PALLD: variants seen among roughly 807,000 people sequenced by gnomAD.
The protein encoded by PALLD is palladin, cytoskeletal associated protein.
In PALLD, 61 loss-of-function variants were observed where a neutral mutation model predicts 123.5. The ratio of observed to expected loss-of-function variants is 0.49; its 90% CI spans 0.40 to 0.61. The LOEUF is 0.61. Among genes scored for constraint, PALLD ranks in the 20% least tolerant of loss-of-function variants. The pLI, the probability that PALLD is intolerant of heterozygous loss-of-function variation, is 0.00. For missense variants in PALLD, 1,273 were observed against 1,377.0 expected, an observed-to-expected ratio of 0.92 and a Z score of 1.20; for synonymous variants, 465 against 496.4, an observed-to-expected ratio of 0.94 and a Z score of 0.84.
intron 2 of PALLD, among the ~76,000 whole-genome samples, chr4:168,589,234 A>G (rs1027060466): frequency 1.3e-5 from 2 of 152,194 alleles, no homozygotes; most frequent in African/African-American, 4.8e-5. Flanking sequence ...GTCTGATCTA[A>G]TGAGAACAGC....
chr4:168,864,458 C>CAG (rs1212313372), intron 10 of PALLD: 3 of 152,198 alleles, frequency 2.0e-5, no homozygotes, highest in African/African-American at 7.2e-5. Context: ...TGGCACTGCA[C>CAG]CAAACGTACT....
In PALLD at chr4:168,685,476, C is replaced by G; in HGVS notation, c.1261-9C>G. On this transcript the variant is annotated splice_polypyrimidine_tract_variant and intron_variant, in intron 5 of 21. Coordinates refer to ENST00000505667, the MANE Select transcript of PALLD (RefSeq NM_001166108.2). ...TTAGAATTTGATCCATATGTCTCTG[C>G]TTTTGCAGGTTCACAGTCCAACTTC... 6.3e-7 allele frequency: 1 copy of G among 1,588,976 alleles called. No individual in the cohort carries two copies. Among genetic ancestry groups the G allele is most frequent in the South Asian group, 1.1e-5 (1 of 90,546 alleles).
chr4:168,752,017 C>T (rs1272431616), intron 10 of PALLD, among the ~76,000 whole-genome samples: 1 of 152,190 alleles, frequency 6.6e-6, no homozygotes. Flanking sequence ...CAGATCCGGG[C>T]TCTGTCGAAC....
intron 2 of PALLD, among the ~76,000 whole-genome samples, chr4:168,547,544 A>C (rs1766257585): frequency 6.9e-6 from 1 of 145,138 alleles, no homozygotes; most frequent in South Asian, 2.3e-4. Context: ...CAACCTGGTG[A>C]AACATTATCT....
rs201626019 is a variant in PALLD, at chr4:168,771,068, AAAAAAAAC to A, written c.1964+59153_1964+59160del. ...ACAGAGCAAGACTCCATCTCAAAAA[AAAAAAAAC>A]AAAAAAAAAACCTTAGTTTCTGAAA... On this transcript the variant is annotated intron_variant, in intron 10 of 21. Transcript: ENST00000505667. Among the ~76,000 whole-genome samples the A allele has an allele frequency of 1.2e-3, 80 of 66,500 alleles. 2 individuals are homozygous for A. Among genetic ancestry groups the A allele is most frequent in the Middle Eastern group, 7.6e-3 (1 of 132 alleles). The allele number at this position is 66,500 out of a possible 152,430, so 43.6% of individuals were successfully genotyped here.
chr4:168,504,920 T>C (rs1031015423), intron 1 of PALLD: 3 of 152,254 alleles, frequency 2.0e-5, no homozygotes, highest in Non-Finnish European at 2.9e-5. Flanking sequence ...TTTTAGTCTA[T>C]TTCATCTTCT....
rs188921921 is a variant in PALLD at position 168,709,072 on chromosome 4, G to A, written c.1546G>A (p.Ala516Thr). The A allele has an allele frequency of 2.5e-6, 4 of 1,610,290 alleles. No individual in the cohort carries two copies. Among genetic ancestry groups the A allele is most frequent in the Non-Finnish European group, 3.4e-6 (4 of 1,176,506 alleles). ...LVIAETFPED[A>T]GIFTCSARND... is the part of the protein sequence containing the mutation. ...TATCGCTGAGACTTTCCCTGAAGAT[G>A]CAGGGATCTTTACATGTTCAGCAAG... The change falls in exon 9 of 22, where the codon GCA becomes ACA. Residue 516 changes from alanine to threonine, a missense_variant. Around this residue, in one of 2 missense-constraint regions of PALLD, gnomAD observed 944 missense variants for 954.5 expected, o/e 0.99. Coordinates refer to ENST00000505667, the MANE Select transcript of PALLD (RefSeq NM_001166108.2).
intron 2 of PALLD, among the ~76,000 whole-genome samples, chr4:168,627,754 G>A (rs189491115): frequency 2.7e-4 from 41 of 152,264 alleles, no homozygotes; most frequent in Middle Eastern, 6.8e-3. Context: ...CTTAACATAC[G>A]TGGAGTTTCA....
intron 10 of PALLD, among the ~76,000 whole-genome samples, chr4:168,724,970 G>T (rs1483138204): frequency 2.0e-5 from 3 of 152,172 alleles, no homozygotes; most frequent in Admixed American, 2.0e-4. Context: ...ACACCATCTC[G>T]ACTCTGAAGC....
intron 10 of PALLD, among the ~76,000 whole-genome samples, chr4:168,752,285 G>C (rs1731163865): frequency 1.3e-5 from 2 of 152,168 alleles, no homozygotes; most frequent in Admixed American, 6.5e-5. Context: ...GAGGTGGGAG[G>C]ATCACTTGAG....
chr4:168,877,106 T>C (rs2151109619), intron 10 of PALLD, among the ~76,000 whole-genome samples: 1 of 152,352 alleles, frequency 6.6e-6, no homozygotes, highest in South Asian at 2.1e-4. Flanking sequence ...TCAATGTGTA[T>C]TAAGGTTTGT....
At chr4:168,498,235 T>C (rs183909325) in intron 1 of PALLD, among the ~76,000 whole-genome samples, 1 of 152,358 alleles carries the variant, frequency 6.6e-6, no homozygotes, top group East Asian at 1.9e-4. Context: ...AATACATGAT[T>C]ACACATTCCT....
chr4:168,745,490 T>C (rs1317804941), intron 10 of PALLD, among the ~76,000 whole-genome samples: 1 of 152,084 alleles, frequency 6.6e-6, no homozygotes, highest in African/African-American at 2.4e-5. Context: ...TTTTTCCTTC[T>C]TCAACTGGAA....
chr4:168,924,290 A>G lies in PALLD; in HGVS notation c.3094A>G (p.Lys1032Glu). 6.2e-7 allele frequency: 1 copy of G among 1,613,940 alleles called. No homozygotes were observed. Among genetic ancestry groups the G allele is most frequent in the Non-Finnish European group, 8.5e-7 (1 of 1,179,864 alleles). ...EAHKPPVFIEKLQNTGVADGY... is the reference protein window; with the variant it reads ...EAHKPPVFIEELQNTGVADGY... Reference sequence around the variant, plus strand: ...ACACAAACCCCCTGTGTTTATTGAGAAGCTCCAAAACACAGGAGTTGCTGA... The same window carrying G: ...ACACAAACCCCCTGTGTTTATTGAGGAGCTCCAAAACACAGGAGTTGCTGA... The change falls in exon 19 of 22, where the codon AAG becomes GAG. Residue 1032 changes from lysine to glutamate, a missense_variant. Transcript: ENST00000505667.
At chr4:168,784,810 C>T (rs1467549345) in intron 10 of PALLD, among the ~76,000 whole-genome samples, 1 of 151,992 alleles carries the variant, frequency 6.6e-6, no homozygotes, top group African/African-American at 2.4e-5. Context: ...GCACAGTAGT[C>T]CATGAGAACA....
At chr4:168,647,637 T>C (rs552779896) in intron 2 of PALLD, among the ~76,000 whole-genome samples, 1 of 151,808 alleles carries the variant, frequency 6.6e-6, no homozygotes, top group Non-Finnish European at 1.5e-5. Context: ...AAAAATTAGC[T>C]GGGCATGGTA....
intron 2 of PALLD, among the ~76,000 whole-genome samples, chr4:168,619,997 A>G (rs1774599275): frequency 6.6e-6 from 1 of 151,664 alleles, no homozygotes; most frequent in East Asian, 1.9e-4. Context: ...CTGACTCACA[A>G]TGTAAATGTT....
intron 2 of PALLD, among the ~76,000 whole-genome samples, chr4:168,574,851 G>C (rs973175773): frequency 1.1e-4 from 16 of 152,150 alleles, no homozygotes; most frequent in African/African-American, 3.9e-4. Flanking sequence ...CAAAACAAAA[G>C]CTAGAGTAAG....
At chr4:168,563,630 T>C (rs904600065) in intron 2 of PALLD, among the ~76,000 whole-genome samples, 1 of 152,218 alleles carries the variant, frequency 6.6e-6, no homozygotes, top group Admixed American at 6.5e-5. Flanking sequence ...AAACTGTTCA[T>C]TATCAGTTAA....
Sources: gnomAD v4.1 joint callset for allele counts (sites outside exome capture counted in the v4.1 genomes callset) on GRCh38, gnomAD v4.1.1 for gene constraint, gnomAD v4.1.1 regional missense constraint, MANE v1.5 for transcripts, NCBI Gene and HGNC (gene_info 2026-07-23, HGNC 2026-07-21) for gene names.